The following DNAJA3 variants were observed in gnomAD, a reference collection of about 807,000 sequenced individuals.
The protein encoded by DNAJA3 is DnaJ heat shock protein family (Hsp40) member A3.
DNAJA3 carries 29 observed loss-of-function variants against 54.9 expected under a neutral mutation model. That is an observed-to-expected ratio of 0.53 (90% confidence interval 0.39 to 0.72). The LOEUF is 0.72. Among genes scored for constraint, DNAJA3 ranks in the 30% least tolerant of loss-of-function variants. DNAJA3 has a pLI of 0.00. For synonymous variants in DNAJA3, 302 were observed against 251.4 expected, an observed-to-expected ratio of 1.20 and a Z score of -1.90; for missense variants, 708 against 639.4, an observed-to-expected ratio of 1.11 and a Z score of -1.16.
intron 1 of DNAJA3, among the ~76,000 whole-genome samples, chr16:4,427,904 C>T (rs2056644916): frequency 6.6e-6 from 1 of 152,070 alleles, no homozygotes; most frequent in Non-Finnish European, 1.5e-5. Context: ...TTCAGCTTCC[C>T]AAAGTGCTGG....
chr16:4,429,162 C>T (rs1021169331), intron 1 of DNAJA3, among the ~76,000 whole-genome samples: 1 of 151,900 alleles, frequency 6.6e-6, no homozygotes, highest in Non-Finnish European at 1.5e-5. Context: ...GCTGGGATTA[C>T]AGGTGTGAGC....
At chr16:4,448,633 C>G (rs2056935791) in intron 8 of DNAJA3, 100 bp from the exon 9 acceptor site, 5 of 839,170 alleles carry the variant, frequency 6.0e-6, no homozygotes, top group South Asian at 1.6e-5. Flanking sequence ...AGTGGTAGTT[C>G]TTTTCAAGGA....
chr16:4,446,369 G>A (rs760826092), intron 7 of DNAJA3, among the ~76,000 whole-genome samples: 1 of 149,942 alleles, frequency 6.7e-6, no homozygotes, highest in African/African-American at 2.5e-5. Context: ...TCAGCCTCCT[G>A]AGTAGCTGGG....
rs549070150 is a variant in DNAJA3 at position 4,443,106 on chromosome 16, C to T, written c.873C>T (p.Val291=). The change falls in exon 6 of 12, where the codon GTC becomes GTT. Residue 291 remains valine (V), a synonymous_variant. Transcript: ENST00000262375. ...RGSIIISPCV[V]CRGAGQAKQK... Reference sequence around the variant, plus strand: ...CCATCATCATATCGCCCTGTGTGGTCTGCAGGGGAGCAGGACAAGCCAAGC... The same window carrying T: ...CCATCATCATATCGCCCTGTGTGGTTTGCAGGGGAGCAGGACAAGCCAAGC... 6.2e-7 allele frequency: 1 copy of T among 1,613,974 alleles called. No homozygotes were observed. The highest frequency in any genetic ancestry group is 8.5e-7 in the Non-Finnish European group (1 of 1,179,996).
Position 4,450,504 on chromosome 16 carries a change from A to G in DNAJA3, c.1339+7A>G. 6.2e-7 allele frequency: 1 copy of G among 1,600,190 alleles called. No individual in the cohort carries two copies. The stretch of plus-strand genomic sequence containing the variant: ...GTCACCCTCACCAGCTCTGGTAAGG[A>G]GTCTGAAGACTACATGGTGACACGT... On this transcript the variant is annotated splice_region_variant and intron_variant, in intron 10 of 11. Coordinates refer to ENST00000262375, the MANE Select transcript of DNAJA3 (RefSeq NM_005147.6).
Position 4,434,444 on chromosome 16 carries a change from A to C in DNAJA3, c.272A>C (p.Lys91Thr). ...TTCCACACGAGTGCCCCTTTGGCCA[A>C]AGAAGATTATTATCAGATATTAGGA... Reference protein sequence around the residue: ...ASFHTSAPLAKEDYYQILGVP... With the variant: ...ASFHTSAPLATEDYYQILGVP... Residue 91 changes from lysine to threonine, a missense_variant, in exon 2 of 12, where the codon AAA (lysine) becomes ACA (threonine). Lys to Thr is a moderately conservative substitution (Grantham distance 78). Transcript: ENST00000262375. The C allele has an allele frequency of 6.2e-7, 1 of 1,613,438 alleles. No homozygotes were observed.
intron 9 of DNAJA3, among the ~76,000 whole-genome samples, 198 bp downstream of exon 9, chr16:4,449,046 G>C (rs554401447): frequency 1.3e-5 from 2 of 152,312 alleles, no homozygotes; most frequent in South Asian, 4.1e-4. Context: ...CCCCAGGCTG[G>C]AGTGCAGTGG....
intron 9 of DNAJA3, 37 bp from the exon 10 acceptor site, chr16:4,450,363 G>A: frequency 6.5e-7 from 1 of 1,536,208 alleles, no homozygotes; most frequent in African/African-American, 1.4e-5. Context: ...AAGCTTCCCG[G>A]CGGAAGCCTT....
intron 1 of DNAJA3, among the ~76,000 whole-genome samples, chr16:4,426,690 A>G (rs763133519): frequency 3.3e-5 from 5 of 152,200 alleles, no homozygotes; most frequent in Non-Finnish European, 7.3e-5. Context: ...TGTAATAATA[A>G]CACAGTCAGA....
At chr16:4,453,938 G>T (rs2057006104) in intron 10 of DNAJA3, among the ~76,000 whole-genome samples, 1 of 152,166 alleles carries the variant, frequency 6.6e-6, no homozygotes, top group South Asian at 2.1e-4. Flanking sequence ...CCAAGTTCAG[G>T]TCTATATTCT....
At chr16:4,444,413 G>T (rs560932862) in intron 6 of DNAJA3, among the ~76,000 whole-genome samples, 2 of 149,870 alleles carry the variant, frequency 1.3e-5, no homozygotes, top group African/African-American at 4.9e-5. Context: ...GAGTGATCTC[G>T]GCTCACTGCA....
At chr16:4,450,689 C>T (rs532885240) in intron 10 of DNAJA3, among the ~76,000 whole-genome samples, 192 bp downstream of exon 10, 1 of 152,298 alleles carries the variant, frequency 6.6e-6, no homozygotes, top group East Asian at 1.9e-4. Flanking sequence ...CAAGCTTCGC[C>T]TCCTCTCTCT....
rs143108818 is a variant in DNAJA3, at chr16:4,455,668, C to A, written c.*136C>A. On this transcript the variant is annotated 3_prime_UTR_variant, in exon 12 of 12. Transcript: ENST00000262375. ...TCCCACCCGCAGAGCCTCTGGACGG[C>A]CTTGGCAACAGCAAAATCATGGGAC... 2 of 1,401,230 alleles carry A rather than the reference C, an allele frequency of 1.4e-6. No individual in the cohort carries two copies. The highest frequency in any genetic ancestry group is 1.4e-5 in the African/African-American group (1 of 69,744). 86.8% of individuals were successfully genotyped at this position (1,401,230 alleles called of 1,614,324 possible). A position where few individuals can be genotyped will look rare whatever the true frequency, so the allele number is the denominator to read the frequency against.
intron 1 of DNAJA3, among the ~76,000 whole-genome samples, chr16:4,430,351 C>A (rs934541702): frequency 2.2e-4 from 33 of 151,740 alleles, no homozygotes; most frequent in African/African-American, 8.0e-4. Context: ...CGCCTGAGGT[C>A]AGGAGTTTGA....
At chr16:4,439,578 A>G (rs1567327861) in intron 3 of DNAJA3, among the ~76,000 whole-genome samples, 1 of 152,092 alleles carries the variant, frequency 6.6e-6, no homozygotes, top group African/African-American at 2.4e-5. Flanking sequence ...GTTTTTCCAC[A>G]TGGTTAGTTG....
intron 1 of DNAJA3, among the ~76,000 whole-genome samples, chr16:4,430,018 A>T (rs1379236065): frequency 6.6e-6 from 1 of 151,450 alleles, no homozygotes; most frequent in Non-Finnish European, 1.5e-5. Flanking sequence ...TAATAAAGTC[A>T]TCAACTGAGA....
chr16:4,442,399 C>A lies in DNAJA3; in HGVS notation c.762C>A (p.His254Gln), dbSNP rs769536498. ...CCGGCACCAAGGTGCAGCATTGCCA[C>A]TACTGTGGCGGCTCCGGCATGGTAA... is the stretch of plus-strand genomic sequence containing the variant. Reference protein sequence around the residue: ...NEPGTKVQHCHYCGGSGMETI... With the variant: ...NEPGTKVQHCQYCGGSGMETI... The change falls in exon 5 of 12, where the codon CAC (histidine) becomes CAA (glutamine). Residue 254 changes from histidine to glutamine, a missense_variant. By Grantham distance (24) the His-to-Gln change is conservative. Coordinates refer to ENST00000262375, the MANE Select transcript of DNAJA3 (RefSeq NM_005147.6). 1 of 1,605,098 alleles carries A rather than the reference C, an allele frequency of 6.2e-7. No individual in the cohort carries two copies. The highest frequency in any genetic ancestry group is 1.3e-5 in the African/African-American group (1 of 74,630).
Position 4,444,745 on chromosome 16 carries a change from GC to G in DNAJA3, c.996+18del, listed in dbSNP as rs746706262. 5.2e-5 allele frequency: 83 copies of G among 1,610,576 alleles called. No individual in the cohort carries two copies. Among genetic ancestry groups the G allele is most frequent in the Non-Finnish European group, 6.9e-5 (81 of 1,177,410 alleles). ...ACGTTCAGGGTAGGTGCCCTGCCCC[GC>G]ACAGCTTCTGTTGGGCCTTTCCTCT... On this transcript the variant is annotated intron_variant, in intron 7 of 11. Coordinates refer to ENST00000262375, the MANE Select transcript of DNAJA3 (RefSeq NM_005147.6).
chr16:4,438,141 C>G (rs887592490), intron 3 of DNAJA3, among the ~76,000 whole-genome samples: 1 of 151,872 alleles, frequency 6.6e-6, no homozygotes, highest in Non-Finnish European at 1.5e-5. Flanking sequence ...ACGGTGAAAC[C>G]CCGTCTCTAC....
Sources: gnomAD v4.1 joint callset for allele counts (sites outside exome capture counted in the v4.1 genomes callset) on GRCh38, gnomAD v4.1.1 for gene constraint, MANE v1.5 for transcripts, NCBI Gene and HGNC (gene_info 2026-07-23, HGNC 2026-07-21) for gene names.